ZNF407: variants seen among roughly 807,000 people sequenced by gnomAD.
ZNF407 encodes zinc finger protein 407.
In ZNF407, 17 loss-of-function variants were observed where a neutral mutation model predicts 131.2. The ratio of observed to expected loss-of-function variants is 0.13; its 90% CI spans 0.09 to 0.19. The LOEUF (loss-of-function observed/expected upper bound fraction) is 0.19, where lower values mean the gene tolerates loss of function less well. Ranked by LOEUF, ZNF407 falls within the 10% of genes least tolerant of loss-of-function variation. The pLI, the probability that ZNF407 is intolerant of heterozygous loss-of-function variation, is 1.00. For synonymous variants in ZNF407, 1,156 were observed against 1,062.0 expected (o/e 1.09, Z -1.72); for missense variants, 2,681 against 2,830.6 (o/e 0.95, Z 1.20).
At chr18:74,691,314 AT>A (rs1251445529) in intron 3 of ZNF407, among the ~76,000 whole-genome samples, 2 of 151,762 alleles carry the variant, frequency 1.3e-5, no homozygotes, top group Non-Finnish European at 2.9e-5. Flanking sequence ...AAAGAAAAAA[AT>A]TATCTTTTAT....
intron 8 of ZNF407, among the ~76,000 whole-genome samples, chr18:74,959,244 A>C (rs1972311399): frequency 6.6e-6 from 1 of 152,226 alleles, no homozygotes; most frequent in African/African-American, 2.4e-5. Flanking sequence ...GCAATACTTC[A>C]CAAATGTAGG....
At chr18:74,802,978 C>G (rs1229914243) in intron 4 of ZNF407, among the ~76,000 whole-genome samples, 1 of 151,890 alleles carries the variant, frequency 6.6e-6, no homozygotes, top group African/African-American at 2.4e-5. Context: ...CAGGGTATCT[C>G]AGGCCATATA....
chr18:74,938,183 T>C (rs1972059091), intron 8 of ZNF407, among the ~76,000 whole-genome samples: 1 of 152,228 alleles, frequency 6.6e-6, no homozygotes, highest in Non-Finnish European at 1.5e-5. Context: ...CCTTCTTTTG[T>C]CCATATAGTC....
rs756575669 is a variant in ZNF407, at chr18:74,633,278, T to A, written c.2259T>A (p.Ile753=). Reference sequence around the variant, plus strand: ...GCAAAGAAGGAATGGAGAAACACATTAAAAGAAGCAAGCATCTTGAAAATG... The same window carrying A: ...GCAAAGAAGGAATGGAGAAACACATAAAAAGAAGCAAGCATCTTGAAAATG... ...SLSKEGMEKH[I]KRSKHLENAK... is the part of the protein sequence containing the mutation. Residue 753 remains isoleucine (I), a synonymous_variant, in exon 2 of 9, where the codon ATT becomes ATA. Coordinates refer to ENST00000299687, the MANE Select transcript of ZNF407 (RefSeq NM_017757.3). 1.9e-6 allele frequency: 3 copies of A among 1,612,398 alleles called. No homozygotes were observed. Among genetic ancestry groups the A allele is most frequent in the Non-Finnish European group, 1.7e-6 (2 of 1,179,554 alleles).
At chr18:74,832,395 AG>A (rs1318389630) in intron 4 of ZNF407, among the ~76,000 whole-genome samples, 8 of 152,192 alleles carry the variant, frequency 5.3e-5, no homozygotes, top group African/African-American at 1.9e-4. Context: ...GAGAGTAACT[AG>A]ATCAGGAAAT....
intron 4 of ZNF407, among the ~76,000 whole-genome samples, chr18:74,827,048 C>A (rs749566143): frequency 3.3e-5 from 5 of 152,356 alleles, no homozygotes; most frequent in African/African-American, 4.8e-5. Flanking sequence ...CCAGTTGTCA[C>A]GTCTTCCTTA....
chr18:74,912,437 G>A (rs982978740), intron 7 of ZNF407, among the ~76,000 whole-genome samples: 1 of 152,134 alleles, frequency 6.6e-6, no homozygotes, highest in Non-Finnish European at 1.5e-5. Context: ...TCATTGTGAT[G>A]GAGTGGCAGG....
In ZNF407 at chr18:74,881,074, G is replaced by A. The variant is rs752841518; in HGVS notation, c.5083G>A (p.Gly1695Ser). ...TCTGTGTGACCTCTGCGGCTTTGCC[G>A]GCGGGACCCGCCACGCCCTCACCAA... ...SFLCDLCGFA[G>S]GTRHALTKHR... The change falls in exon 6 of 9, where the codon GGC (glycine) becomes AGC (serine). Residue 1695 changes from glycine (G) to serine (S), a missense_variant. Gly to Ser is a moderately conservative substitution (Grantham distance 56, BLOSUM62 0). Around this residue, in one of 6 missense-constraint regions of ZNF407, gnomAD observed 213 missense variants for 332.2 expected, o/e 0.64. Coordinates refer to ENST00000299687, the MANE Select transcript of ZNF407 (RefSeq NM_017757.3). 2.4e-5 allele frequency: 38 copies of A among 1,564,300 alleles called. No individual in the cohort carries two copies. The highest frequency in any genetic ancestry group is 3.2e-5 in the Non-Finnish European group (37 of 1,155,030).
At chr18:75,035,368 C>G (rs1973296023) in intron 8 of ZNF407, among the ~76,000 whole-genome samples, 1 of 152,184 alleles carries the variant, frequency 6.6e-6, no homozygotes, top group African/African-American at 2.4e-5. Flanking sequence ...CAGGGGCCTT[C>G]TCCCATCATT....
At chr18:74,922,448 TAAATAAGAGAA>T (rs1234137402) in intron 8 of ZNF407, among the ~76,000 whole-genome samples, 1 of 152,096 alleles carries the variant, frequency 6.6e-6, no homozygotes, top group Non-Finnish European at 1.5e-5. Flanking sequence ...GTACAGTGAG[TAAATAAGAGAA>T]AAATAAAAAC....
At chr18:75,047,295 A>C (rs1242106905) in intron 8 of ZNF407, among the ~76,000 whole-genome samples, 1 of 152,228 alleles carries the variant, frequency 6.6e-6, no homozygotes, top group Non-Finnish European at 1.5e-5. Flanking sequence ...TACTAGTAAA[A>C]GGAAGGCATA....
intron 1 of ZNF407, among the ~76,000 whole-genome samples, chr18:74,615,289 G>A (rs193123955): frequency 3.3e-5 from 5 of 152,202 alleles, no homozygotes; most frequent in Admixed American, 1.3e-4. Flanking sequence ...GGCAGATCAC[G>A]AGGTCAAGAG....
chr18:74,910,673 G>A lies in ZNF407; in HGVS notation c.5250-9841G>A, dbSNP rs146807368. On this transcript the variant is annotated intron_variant, in intron 7 of 8. Coordinates refer to ENST00000299687, the MANE Select transcript of ZNF407 (RefSeq NM_017757.3). Reference sequence around the variant, plus strand: ...CATATTTTAGCCCACGAAATTAATCGCCACTTTCATTCTTAATACCACCCT... The same window carrying A: ...CATATTTTAGCCCACGAAATTAATCACCACTTTCATTCTTAATACCACCCT... Among the ~76,000 whole-genome samples the A allele has an allele frequency of 1.3e-5, 2 of 151,910 alleles. 1 individual carries two copies. Among genetic ancestry groups the A allele is most frequent in the Non-Finnish European group, 2.9e-5 (2 of 67,990 alleles).
intron 3 of ZNF407, among the ~76,000 whole-genome samples, chr18:74,649,895 C>A (rs923776124): frequency 1.3e-5 from 2 of 152,188 alleles, no homozygotes; most frequent in African/African-American, 4.8e-5. Flanking sequence ...GAGTGCCAAA[C>A]GTGGGAACTC....
chr18:74,960,107 A>G (rs761027032), intron 8 of ZNF407, among the ~76,000 whole-genome samples: 1 of 152,248 alleles, frequency 6.6e-6, no homozygotes, highest in African/African-American at 2.4e-5. Flanking sequence ...TAACGCAAGT[A>G]CCGTGTTCAT....
intron 1 of ZNF407, among the ~76,000 whole-genome samples, chr18:74,619,234 T>C (rs1983427018): frequency 2.0e-5 from 3 of 152,214 alleles, no homozygotes; most frequent in Admixed American, 2.0e-4. Context: ...CTGAGGAATC[T>C]TAGTCCCTAA....
chr18:75,021,847 T>C (rs1278989936), intron 8 of ZNF407, among the ~76,000 whole-genome samples: 1 of 151,986 alleles, frequency 6.6e-6, no homozygotes. Context: ...TTAATAGATA[T>C]AACTATATAA....
chr18:74,728,488 G>T (rs1295907124), intron 3 of ZNF407, among the ~76,000 whole-genome samples: 1 of 152,154 alleles, frequency 6.6e-6, no homozygotes, highest in African/African-American at 2.4e-5. Context: ...GCAGTAACTA[G>T]CTTTACCTGC....
chr18:74,813,794 T>G (rs996882327), intron 4 of ZNF407, among the ~76,000 whole-genome samples: 3 of 152,214 alleles, frequency 2.0e-5, no homozygotes, highest in African/African-American at 4.8e-5. Flanking sequence ...TGGTTGTAAT[T>G]AATGCCCCCT....
Sources: allele counts gnomAD v4.1 joint callset (sites outside exome capture counted in the v4.1 genomes callset), GRCh38; gene constraint gnomAD v4.1.1; regional missense constraint gnomAD v4.1.1; transcripts MANE v1.5; gene names NCBI Gene and HGNC (gene_info 2026-07-23, HGNC 2026-07-21).